The following EIF4E variants were observed in gnomAD, a reference collection of about 807,000 sequenced individuals.
EIF4E encodes eukaryotic translation initiation factor 4E, also known as eIF-4F 25 kDa subunit.
For missense variants in EIF4E, 113 were observed against 265.6 expected, an observed-to-expected ratio of 0.43 and a Z score of 3.99; for synonymous variants, 71 against 88.5, an observed-to-expected ratio of 0.80 and a Z score of 1.11.
At chr4:98,891,580 T>C in intron 2 of EIF4E, 1 of 492,118 alleles carries the variant, frequency 2.0e-6, no homozygotes, top group Non-Finnish European at 3.6e-6. Flanking sequence ...AGACAAATAC[T>C]GTATGATTCC....
intron 3 of EIF4E, among the ~76,000 whole-genome samples, chr4:98,889,152 C>T (rs961371566): frequency 7.5e-6 from 1 of 133,454 alleles, no homozygotes; most frequent in African/African-American, 2.7e-5. Context: ...AGCTAGACTC[C>T]ATCTCAAAAA....
chr4:98,880,928 T>G lies in EIF4E; in HGVS notation c.*100A>C, dbSNP rs1198752728. On this transcript the variant is annotated 3_prime_UTR_variant, in exon 7 of 7. Transcript: ENST00000450253. ...GTAACATTAAGATGGAAATCAAATT[T>G]AAATGCAGTCCACTCTGCTTTTTGA... The G allele has an allele frequency of 2.6e-6, 4 of 1,533,542 alleles. No individual in the cohort carries two copies. The East Asian group carries it at 9.5e-5, about 37-fold the overall frequency. The allele number at this position is 1,533,542 out of a possible 1,614,324, so 95.0% of individuals were successfully genotyped here.
intron 1 of EIF4E, among the ~76,000 whole-genome samples, chr4:98,913,865 T>C (rs1725254621): frequency 6.6e-6 from 1 of 151,882 alleles, no homozygotes; most frequent in South Asian, 2.1e-4. Flanking sequence ...AAAATTAAAA[T>C]AAAAACATCT....
intron 1 of EIF4E, among the ~76,000 whole-genome samples, chr4:98,923,360 G>T (rs1332616231): frequency 6.6e-6 from 1 of 151,336 alleles, no homozygotes; most frequent in Non-Finnish European, 1.5e-5. Context: ...CTGTCACCCA[G>T]GCTGGAATGC....
chr4:98,901,687 T>C (rs1460195850), intron 2 of EIF4E, among the ~76,000 whole-genome samples, 189 bp downstream of exon 2: 1 of 152,238 alleles, frequency 6.6e-6, no homozygotes, highest in Non-Finnish European at 1.5e-5. Flanking sequence ...ATCTCTCACA[T>C]AGCTCCTTTT....
At chr4:98,917,083 AACAC>A (rs751653561) in intron 1 of EIF4E, among the ~76,000 whole-genome samples, 1,323 of 102,952 alleles carry the variant, frequency 0.013, 17 homozygotes, top group South Asian at 0.038. Context: ...ACCTTTTCTA[AACAC>A]ACACACACAC....
Position 98,929,077 on chromosome 4 carries a change from GC to G in EIF4E, c.18+17del. On this transcript the variant is annotated intron_variant, in intron 1 of 6. Coordinates refer to ENST00000450253, the MANE Select transcript of EIF4E (RefSeq NM_001968.5). ...AGCGCGGGGACCCGTGGGGGTGGGG[GC>G]CAAAGGCAATACTCACCGGTTCGAC... is the stretch of plus-strand genomic sequence containing the variant. 1 of 1,581,234 alleles carries G rather than the reference GC, an allele frequency of 6.3e-7. No homozygotes were observed. The highest frequency in any genetic ancestry group is 8.6e-7 in the Non-Finnish European group (1 of 1,162,968).
In EIF4E at chr4:98,887,743, T is replaced by C. The variant is rs1723983852; in HGVS notation, c.285+146A>G. 5.8e-6 allele frequency: 4 copies of C among 694,050 alleles called. No individual in the cohort carries two copies. The Admixed American group carries it at 7.8e-5, about 14-fold the overall frequency. 43.0% of individuals were successfully genotyped at this position (694,050 alleles called of 1,614,324 possible). A position where few individuals can be genotyped will look rare whatever the true frequency, so the allele number is the denominator to read the frequency against. ...TTATAAACAAATAGAATAAGATATA[T>C]TGATACTAAAGCATACTACAGCCAA... On this transcript the variant is annotated intron_variant, in intron 4 of 6. Transcript: ENST00000450253. The surrounding 1 kb of genome is among the most constrained non-coding windows in gnomAD (Gnocchi z 4.0).
chr4:98,920,452 G>A (rs115082768), intron 1 of EIF4E, among the ~76,000 whole-genome samples: 3,539 of 151,868 alleles, frequency 0.023, 122 homozygotes, highest in African/African-American at 0.081. Flanking sequence ...CCATGAACAC[G>A]CTCGGCTAAT....
At chr4:98,922,843 CTTT>C in intron 1 of EIF4E, among the ~76,000 whole-genome samples, 1 of 139,496 alleles carries the variant, frequency 7.2e-6, no homozygotes, top group Admixed American at 7.5e-5. Flanking sequence ...CCTGTTTTTT[CTTT>C]TTTCTTTTTT....
rs1723615873 is a variant in EIF4E, at chr4:98,880,063, A to C, written c.*965T>G. 2 of 152,604 alleles carry C rather than the reference A, an allele frequency of 1.3e-5. No homozygotes were observed. Among genetic ancestry groups the C allele is most frequent in the Non-Finnish European group, 2.9e-5 (2 of 67,992 alleles). The allele number at this position is 152,604 out of a possible 1,614,324, so 9.5% of individuals were successfully genotyped here. ...ATAAAAGGACAAATCTAGTTGTCTA[A>C]AAGACAATTCACTGTACACATTTTA... On this transcript the variant is annotated 3_prime_UTR_variant, in exon 7 of 7. Coordinates refer to ENST00000450253, the MANE Select transcript of EIF4E (RefSeq NM_001968.5).
At chr4:98,913,369 T>C (rs943213211) in intron 1 of EIF4E, among the ~76,000 whole-genome samples, 19 of 152,182 alleles carry the variant, frequency 1.2e-4, no homozygotes, top group Admixed American at 4.6e-4. Flanking sequence ...GTATCACTAT[T>C]ACTTAGGCTG....
chr4:98,900,256 T>C (rs181210495), intron 2 of EIF4E, among the ~76,000 whole-genome samples: 18 of 152,266 alleles, frequency 1.2e-4, no homozygotes, highest in Non-Finnish European at 2.1e-4. Flanking sequence ...ATGTGGTACA[T>C]TGCTTCCCTG....
chr4:98,915,904 T>G (rs1011935949), intron 1 of EIF4E, among the ~76,000 whole-genome samples: 1 of 151,694 alleles, frequency 6.6e-6, no homozygotes, highest in Non-Finnish European at 1.5e-5. Flanking sequence ...TTGCTCTTCC[T>G]TCTTAAAACT....
intron 1 of EIF4E, among the ~76,000 whole-genome samples, chr4:98,917,133 C>CACACAAAA (rs1386548303): frequency 1.8e-5 from 1 of 55,244 alleles, no homozygotes; most frequent in Admixed American, 1.5e-4. Context: ...CACACACACA[C>CACACAAAA]AAAAAAAACC....
rs1723984425 is a variant in EIF4E, at chr4:98,887,760, T to C, written c.285+129A>G. 1 of 795,736 alleles carries C rather than the reference T, an allele frequency of 1.3e-6. No individual in the cohort carries two copies. The highest frequency in any genetic ancestry group is 2.3e-5 in the Admixed American group (1 of 44,428). 49.3% of individuals were successfully genotyped at this position (795,736 alleles called of 1,614,324 possible). Reference sequence around the variant, plus strand: ...AAGATATATTGATACTAAAGCATACTACAGCCAATTAAATTATCAGCCTAT... The same window carrying C: ...AAGATATATTGATACTAAAGCATACCACAGCCAATTAAATTATCAGCCTAT... On this transcript the variant is annotated intron_variant, in intron 4 of 6. Coordinates refer to ENST00000450253, the MANE Select transcript of EIF4E (RefSeq NM_001968.5). This position sits in a 1 kb window ranked among gnomAD's most constrained non-coding sequence, Gnocchi z 4.0.
At chr4:98,924,060 T>C (rs555800920) in intron 1 of EIF4E, among the ~76,000 whole-genome samples, 91 of 151,818 alleles carry the variant, frequency 6.0e-4, no homozygotes, top group Non-Finnish European at 9.9e-4. Flanking sequence ...TACTAATAGA[T>C]TAAGGAAACT....
At position 98,917,401 on chromosome 4, in the gene EIF4E, A is replaced by G. The variant is rs976689021; in HGVS notation, c.18+11694T>C. Among the ~76,000 whole-genome samples, 8 of 152,178 alleles carry G rather than the reference A, an allele frequency of 5.3e-5. No homozygotes were observed. The South Asian group carries it at 1.7e-3, about 32-fold the overall frequency. ...AACAACTATAAATCCTATGTTTCCC[A>G]GGACATGTCCATGATCATGCCCACT... is the stretch of plus-strand genomic sequence containing the variant. On this transcript the variant is annotated intron_variant, in intron 1 of 6. Coordinates refer to ENST00000450253, the MANE Select transcript of EIF4E (RefSeq NM_001968.5).
chr4:98,928,072 A>G (rs1721283265), intron 1 of EIF4E, among the ~76,000 whole-genome samples: 1 of 152,258 alleles, frequency 6.6e-6, no homozygotes, highest in Non-Finnish European at 1.5e-5. Context: ...AGTAAATTTA[A>G]AAGTTTCTAT....
Sources: allele counts gnomAD v4.1 joint callset (sites outside exome capture counted in the v4.1 genomes callset), GRCh38; gene constraint gnomAD v4.1.1; non-coding constraint Gnocchi (gnomAD v3.1); transcripts MANE v1.5; gene names NCBI Gene and HGNC (gene_info 2026-07-23, HGNC 2026-07-21).